The following TBC1D2B variants were observed in gnomAD, a reference collection of about 807,000 sequenced individuals.
TBC1D2B encodes the protein TBC1 domain family, member 2B.
In TBC1D2B, 64 loss-of-function variants were observed where a neutral mutation model predicts 100.8. The observed-to-expected ratio is 0.64, with a 90% CI of 0.52 to 0.78. TBC1D2B has a LOEUF of 0.78. Among genes scored for constraint, TBC1D2B ranks in the 30% least tolerant of loss-of-function variants. The pLI, the probability that TBC1D2B is intolerant of heterozygous loss-of-function variation, is 0.00. For missense variants in TBC1D2B, 1,052 were observed against 1,218.4 expected, an observed-to-expected ratio of 0.86 and a Z score of 2.03; for synonymous variants, 480 against 479.7, an observed-to-expected ratio of 1.00 and a Z score of -0.01.
chr15:78,015,293 A>G (rs895211622), intron 8 of TBC1D2B, among the ~76,000 whole-genome samples: 1 of 152,180 alleles, frequency 6.6e-6, no homozygotes, highest in Non-Finnish European at 1.5e-5. Flanking sequence ...ATGAAACTAT[A>G]TTGGCAAAAC....
intron 1 of TBC1D2B, among the ~76,000 whole-genome samples, chr15:78,065,027 A>C (rs1267759832): frequency 1.3e-5 from 2 of 152,190 alleles, no homozygotes; most frequent in Non-Finnish European, 2.9e-5. Context: ...CTGAGCACAC[A>C]CCTAGAACCC....
chr15:78,039,751 TACACACACAC>T lies in TBC1D2B; in HGVS notation c.683+5139_683+5148del, dbSNP rs3972618. The stretch of plus-strand genomic sequence containing the variant: ...CCACCCATCCAGTAGAGAGGCTTAC[TACACACACAC>T]ACACACACACACACACACACACACG... On this transcript the variant is annotated intron_variant, in intron 3 of 12. Coordinates refer to ENST00000300584, the MANE Select transcript of TBC1D2B (RefSeq NM_144572.2). Among the ~76,000 whole-genome samples the T allele has an allele frequency of 8.6e-3, 1,275 of 148,098 alleles. 18 individuals carry two copies. Among genetic ancestry groups the T allele is most frequent in the African/African-American group, 0.03 (1,192 of 40,108 alleles).
At chr15:78,040,229 C>T (rs903664791) in intron 3 of TBC1D2B, among the ~76,000 whole-genome samples, 1 of 152,228 alleles carries the variant, frequency 6.6e-6, no homozygotes, top group Admixed American at 6.5e-5. Flanking sequence ...AGTTCCTTCA[C>T]CTGGTGTGAT....
intron 2 of TBC1D2B, among the ~76,000 whole-genome samples, chr15:78,051,530 C>A (rs1400295771): frequency 6.6e-6 from 1 of 152,198 alleles, no homozygotes; most frequent in Admixed American, 6.5e-5. Context: ...GCTATCAGTG[C>A]AAAACGTTAA....
intron 9 of TBC1D2B, among the ~76,000 whole-genome samples, chr15:78,010,161 C>T (rs997819929): frequency 3.3e-5 from 5 of 152,140 alleles, no homozygotes; most frequent in Admixed American, 2.6e-4. Flanking sequence ...AAATGGGCTG[C>T]AGATGAGGGC....
At chr15:78,052,103 GC>G (rs1203783565) in intron 2 of TBC1D2B, among the ~76,000 whole-genome samples, 1 of 152,110 alleles carries the variant, frequency 6.6e-6, no homozygotes, top group East Asian at 1.9e-4. Context: ...TCCCAGGTGT[GC>G]CCCCAGGTTC....
At chr15:78,001,885 AG>A in intron 11 of TBC1D2B, 145 bp from the exon 12 acceptor site, 1 of 887,748 alleles carries the variant, frequency 1.1e-6, no homozygotes, top group Non-Finnish European at 1.6e-6. Context: ...TATTGACCTG[AG>A]GGGCAATTTT....
chr15:78,025,170 A>C, intron 5 of TBC1D2B, 89 bp downstream of exon 5: 2 of 1,127,524 alleles, frequency 1.8e-6, no homozygotes, highest in Non-Finnish European at 2.6e-6. Context: ...TGTCCCCAGA[A>C]AGACTCAGGG....
Position 78,013,048 on chromosome 15 carries a change from T to C in TBC1D2B, c.2045A>G (p.Lys682Arg). The C allele has an allele frequency of 6.2e-7, 1 of 1,614,006 alleles. No individual in the cohort carries two copies. The highest frequency in any genetic ancestry group is 8.5e-7 in the Non-Finnish European group (1 of 1,179,868). The change falls in exon 9 of 13, where the codon AAG becomes AGG. Residue 682 changes from lysine to arginine, a missense_variant. By Grantham distance (26) the Lys-to-Arg change is conservative (BLOSUM62 2). Coordinates refer to ENST00000300584, the MANE Select transcript of TBC1D2B (RefSeq NM_144572.2). ...GCCAGGCTCAGTGTTGTCCTTGAAC[T>C]TCCTGGTGTGACGGTCCACACACCA... ...WKWCVDRHTR[K>R]FKDNTEPGHF...
chr15:78,067,281 T>A (rs1007944820), intron 1 of TBC1D2B, among the ~76,000 whole-genome samples: 31 of 152,260 alleles, frequency 2.0e-4, no homozygotes, highest in African/African-American at 6.7e-4. Flanking sequence ...GCAAAAATAA[T>A]GAATGCCTTC....
chr15:78,044,052 A>C (rs1216281995), intron 3 of TBC1D2B, among the ~76,000 whole-genome samples: 2 of 151,538 alleles, frequency 1.3e-5, no homozygotes, highest in African/African-American at 4.8e-5. Context: ...CCACCAAAAA[A>C]CAAATTCATA....
rs1284707073 is a variant in TBC1D2B at position 78,054,163 on chromosome 15, A to G, written c.385T>C (p.Tyr129His). ...LKAPNRQLMT[Y>H]WLQELQQKRW... ...TTCTGCTGAAGCTCCTGTAACCAGTAAGTCATGAGTTGACGATTGGGAGCC... is the reference window on the plus strand; with the variant it reads ...TTCTGCTGAAGCTCCTGTAACCAGTGAGTCATGAGTTGACGATTGGGAGCC... The change falls in exon 2 of 13, where the codon TAC becomes CAC. Residue 129 changes from tyrosine (Y) to histidine (H), a missense_variant. Physicochemically the swap from Tyr to His is moderately conservative, Grantham distance 83. This residue lies in a region of TBC1D2B where 627 missense variants were observed against 646.1 expected (regional missense o/e 0.97). Transcript: ENST00000300584. 33 of 1,613,518 alleles carry G rather than the reference A, an allele frequency of 2.0e-5. No individual in the cohort carries two copies. Among genetic ancestry groups the G allele is most frequent in the Non-Finnish European group, 2.7e-5 (32 of 1,179,768 alleles).
intron 1 of TBC1D2B, among the ~76,000 whole-genome samples, chr15:78,069,577 G>A (rs1016551780): frequency 1.3e-5 from 2 of 152,142 alleles, no homozygotes; most frequent in African/African-American, 2.4e-5. Context: ...CAAAATTCAC[G>A]TGTTGAGACC....
At chr15:78,017,020 G>A in intron 7 of TBC1D2B, 1 of 300,864 alleles carries the variant, frequency 3.3e-6, no homozygotes, top group South Asian at 6.0e-5. Flanking sequence ...GAGAGCAGCA[G>A]GAACCAGGCT....
chr15:78,004,809 T>C (rs957414817), intron 10 of TBC1D2B, among the ~76,000 whole-genome samples: 1 of 152,198 alleles, frequency 6.6e-6, no homozygotes, highest in Non-Finnish European at 1.5e-5. Context: ...GCCCTCCGTA[T>C]AAGAGGGTTT....
intron 8 of TBC1D2B, among the ~76,000 whole-genome samples, chr15:78,014,754 T>A (rs1049424783): frequency 2.0e-5 from 3 of 152,196 alleles, no homozygotes; most frequent in Non-Finnish European, 4.4e-5. Flanking sequence ...GTAACTTGTA[T>A]CAACCTGGAT....
chr15:78,076,485 C>T (rs997505327), intron 1 of TBC1D2B, among the ~76,000 whole-genome samples: 1 of 152,188 alleles, frequency 6.6e-6, no homozygotes, highest in Non-Finnish European at 1.5e-5. Flanking sequence ...TGGCTCACGC[C>T]TGGCATCCCA....
At chr15:78,038,137 C>T (rs534475094) in intron 3 of TBC1D2B, among the ~76,000 whole-genome samples, 9 of 152,304 alleles carry the variant, frequency 5.9e-5, no homozygotes, top group African/African-American at 2.2e-4. Flanking sequence ...GGAGCCTTCC[C>T]TCATCACTCT....
At chr15:78,072,281 C>G (rs1052997005) in intron 1 of TBC1D2B, among the ~76,000 whole-genome samples, 3 of 152,178 alleles carry the variant, frequency 2.0e-5, no homozygotes, top group Non-Finnish European at 4.4e-5. Context: ...CTGTGTGAGG[C>G]AGTGGGAGAG....
Sources: gnomAD v4.1 joint callset for allele counts (sites outside exome capture counted in the v4.1 genomes callset) on GRCh38, gnomAD v4.1.1 for gene constraint, gnomAD v4.1.1 regional missense constraint, MANE v1.5 for transcripts, NCBI Gene and HGNC (gene_info 2026-07-23, HGNC 2026-07-21) for gene names.